The following KIF6 variants were observed in gnomAD, a reference collection of about 807,000 sequenced individuals.
KIF6 encodes kinesin family member 6, also known as kinesin-like protein KIF6.
A neutral mutation model predicts 112.7 loss-of-function variants in KIF6; 106 were observed. The observed-to-expected ratio is 0.94, with a 90% confidence interval of 0.80 to 1.11. The LOEUF is 1.11. Among genes scored for constraint, KIF6 ranks in the 50% least tolerant of loss-of-function variants. The pLI, the probability that KIF6 is intolerant of heterozygous loss-of-function variation, is 0.00. For synonymous variants in KIF6, 339 were observed against 339.9 expected, an observed-to-expected ratio of 1.00 and a Z score of 0.03; for missense variants, 929 against 964.0, an observed-to-expected ratio of 0.96 and a Z score of 0.48.
At chr6:39,635,123 A>G (rs1784558841) in intron 4 of KIF6, among the ~76,000 whole-genome samples, 165 bp from the exon 5 acceptor site, 1 of 152,014 alleles carries the variant, frequency 6.6e-6, no homozygotes, top group Non-Finnish European at 1.5e-5. Flanking sequence ...GCCAGTTACC[A>G]TATGCATGAA....
At chr6:39,394,238 C>T (rs1240322280) in intron 15 of KIF6, among the ~76,000 whole-genome samples, 1 of 152,024 alleles carries the variant, frequency 6.6e-6, no homozygotes, top group African/African-American at 2.4e-5. Context: ...ATTTACGATT[C>T]ACATAAAAGC....
rs202159087 is a variant in KIF6, at chr6:39,431,008, C to T, written c.1754+45G>A. The T allele has an allele frequency of 3.3e-6, 4 of 1,201,754 alleles. No homozygotes were observed. The East Asian group carries it at 9.5e-5, about 29-fold the overall frequency. 74.4% of individuals were successfully genotyped at this position (1,201,754 alleles called of 1,614,324 possible). A position where few individuals can be genotyped will look rare whatever the true frequency, so the allele number is the denominator to read the frequency against. ...GTAAGCAAATCTCTTCTAGGCTGGC[C>T]TGGCTGAGCCTCGGAGGACCAGCTG... On this transcript the variant is annotated intron_variant, in intron 14 of 22. Coordinates refer to ENST00000287152, the MANE Select transcript of KIF6 (RefSeq NM_145027.6).
chr6:39,437,068 T>C (rs1771579379), intron 13 of KIF6, among the ~76,000 whole-genome samples: 1 of 152,184 alleles, frequency 6.6e-6, no homozygotes, highest in South Asian at 2.1e-4. Flanking sequence ...GTTCTCCTTG[T>C]AGAGATTTTT....
chr6:39,341,945 T>A (rs187898597), intron 22 of KIF6, among the ~76,000 whole-genome samples: 6 of 152,242 alleles, frequency 3.9e-5, no homozygotes, highest in African/African-American at 1.4e-4. Flanking sequence ...GTGAGCTTTT[T>A]AAAGCATCAA....
intron 13 of KIF6, 121 bp downstream of exon 13, chr6:39,539,882 G>A (rs1778689494): frequency 1.4e-6 from 1 of 731,754 alleles, no homozygotes; most frequent in African/African-American, 1.8e-5. Flanking sequence ...ATAATTGATA[G>A]TTATAAAAAA....
At chr6:39,687,413 A>G (rs1396168053) in intron 3 of KIF6, among the ~76,000 whole-genome samples, 1 of 152,216 alleles carries the variant, frequency 6.6e-6, no homozygotes, top group African/African-American at 2.4e-5. Flanking sequence ...TTTAAAGAGA[A>G]TACTTAGTTG....
chr6:39,430,147 G>GC (rs1288682420), intron 14 of KIF6, among the ~76,000 whole-genome samples: 4 of 151,666 alleles, frequency 2.6e-5, no homozygotes, highest in African/African-American at 9.7e-5. Context: ...CTCCTGGTTC[G>GC]CCCCCTCTTC....
chr6:39,720,939 A>T (rs1046296314), intron 1 of KIF6, 128 bp from the exon 2 acceptor site: 11 of 578,502 alleles, frequency 1.9e-5, no homozygotes, highest in African/African-American at 1.9e-4. Context: ...AATATCATAT[A>T]ATTTGAATAA....
At chr6:39,458,500 T>C (rs1209325094) in intron 13 of KIF6, among the ~76,000 whole-genome samples, 1 of 150,288 alleles carries the variant, frequency 6.7e-6, no homozygotes, top group Non-Finnish European at 1.5e-5. Flanking sequence ...CTATTCAACA[T>C]AGTGTTGGAA....
At chr6:39,376,045 A>T (rs1407042396) in intron 16 of KIF6, among the ~76,000 whole-genome samples, 1 of 152,196 alleles carries the variant, frequency 6.6e-6, no homozygotes, top group Admixed American at 6.5e-5. Flanking sequence ...GAGCATGGAA[A>T]TTCGGCTAAG....
chr6:39,665,421 A>G (rs1786409059), intron 3 of KIF6, among the ~76,000 whole-genome samples: 1 of 152,218 alleles, frequency 6.6e-6, no homozygotes, highest in African/African-American at 2.4e-5. Context: ...AAAACTGCAT[A>G]CAACAAATGA....
At chr6:39,515,608 T>C (rs1777039003) in intron 13 of KIF6, among the ~76,000 whole-genome samples, 1 of 152,186 alleles carries the variant, frequency 6.6e-6, no homozygotes. Flanking sequence ...ACACTTCTCT[T>C]ATATAGTATG....
intron 15 of KIF6, among the ~76,000 whole-genome samples, chr6:39,418,056 G>A (rs1770057702): frequency 1.6e-5 from 1 of 62,584 alleles, no homozygotes; most frequent in South Asian, 1.1e-3. Flanking sequence ...GTCTGGGACT[G>A]GGATGCCCCC....
intron 4 of KIF6, among the ~76,000 whole-genome samples, chr6:39,639,389 C>T (rs1043406460): frequency 6.6e-6 from 1 of 152,054 alleles, no homozygotes; most frequent in African/African-American, 2.4e-5. Context: ...TGTCCTTGAG[C>T]CTTTGCTGAA....
intron 1 of KIF6, among the ~76,000 whole-genome samples, chr6:39,722,653 C>A (rs1790285484): frequency 6.6e-6 from 1 of 152,134 alleles, no homozygotes; most frequent in African/African-American, 2.4e-5. Context: ...TCCTTTGAGT[C>A]ACTCTCAATT....
intron 3 of KIF6, among the ~76,000 whole-genome samples, chr6:39,710,759 AAAG>A (rs1789501587): frequency 6.6e-6 from 1 of 152,146 alleles, no homozygotes; most frequent in Non-Finnish European, 1.5e-5. Context: ...GTCCAGAAAT[AAAG>A]AATAGATATG....
At chr6:39,631,280 T>A (rs569304216) in intron 5 of KIF6, among the ~76,000 whole-genome samples, 38 of 152,132 alleles carry the variant, frequency 2.5e-4, no homozygotes, top group Admixed American at 2.4e-3. Context: ...ATGTCTTTTC[T>A]TGTTTTTCTT....
chr6:39,644,789 C>T (rs545800582), intron 3 of KIF6, among the ~76,000 whole-genome samples: 1 of 152,176 alleles, frequency 6.6e-6, no homozygotes, highest in Admixed American at 6.5e-5. Flanking sequence ...AAATTGCATG[C>T]TTTAAAGAGT....
chr6:39,456,395 G>A (rs1183854881), intron 13 of KIF6, among the ~76,000 whole-genome samples: 2 of 99,632 alleles, frequency 2.0e-5, no homozygotes, highest in Admixed American at 1.1e-4. Context: ...AGGAACAACC[G>A]GTACCAGCCG....
Sources: gnomAD v4.1 joint callset for allele counts (sites outside exome capture counted in the v4.1 genomes callset) on GRCh38, gnomAD v4.1.1 for gene constraint, MANE v1.5 for transcripts, NCBI Gene and HGNC (gene_info 2026-07-23, HGNC 2026-07-21) for gene names.